The following USH2A variants were observed in gnomAD, a reference collection of about 807,000 sequenced individuals.
USH2A encodes Usher syndrome 2A (autosomal recessive, mild).
USH2A carries 443 observed loss-of-function variants against 538.9 expected under a neutral mutation model. The observed-to-expected ratio is 0.82, with a 90% CI of 0.76 to 0.89. The LOEUF (loss-of-function observed/expected upper bound fraction) is 0.89, where lower values mean the gene tolerates loss of function less well. Ranked by LOEUF, USH2A falls within the 40% of genes least tolerant of loss-of-function variation. USH2A has a pLI of 0.00. For synonymous variants in USH2A, 2,413 were observed against 2,273.5 expected (o/e 1.06, Z -1.75); for missense variants, 6,633 against 6,324.8 (o/e 1.05, Z -1.65).
intron 21 of USH2A, among the ~76,000 whole-genome samples, chr1:216,109,093 A>C (rs1411399175): frequency 6.6e-6 from 1 of 152,086 alleles, no homozygotes; most frequent in Non-Finnish European, 1.5e-5. Context: ...GGGACTATAA[A>C]TATTTTTGGC....
chr1:216,135,228 C>G (rs1489056121), intron 21 of USH2A, among the ~76,000 whole-genome samples: 1 of 151,004 alleles, frequency 6.6e-6, no homozygotes, highest in Admixed American at 6.6e-5. Flanking sequence ...ATAAATTCCT[C>G]CTTTAAAATG....
chr1:216,361,363 A>G (rs1420130913), intron 4 of USH2A, among the ~76,000 whole-genome samples: 2 of 152,176 alleles, frequency 1.3e-5, no homozygotes, highest in African/African-American at 4.8e-5. Flanking sequence ...AATAGTCTAA[A>G]CAGAACACAA....
At chr1:215,940,803 C>A (rs1283788654) in intron 37 of USH2A, among the ~76,000 whole-genome samples, 4 of 152,084 alleles carry the variant, frequency 2.6e-5, no homozygotes, top group Non-Finnish European at 5.9e-5. Context: ...TTCTTTGACT[C>A]CTCTTTAAAT....
intron 21 of USH2A, among the ~76,000 whole-genome samples, chr1:216,132,912 A>C (rs2033406467): frequency 6.6e-6 from 1 of 152,230 alleles, no homozygotes; most frequent in Non-Finnish European, 1.5e-5. Flanking sequence ...AAGACTGATA[A>C]AAGCTTAATG....
intron 47 of USH2A, among the ~76,000 whole-genome samples, chr1:215,834,762 TTCTTG>T (rs1252378365): frequency 2.6e-5 from 4 of 151,916 alleles, no homozygotes; most frequent in African/African-American, 4.8e-5. Flanking sequence ...CTGGGATACT[TTCTTG>T]TCTTTTTTTT....
intron 11 of USH2A, among the ~76,000 whole-genome samples, chr1:216,265,148 T>C (rs1422981046): frequency 6.8e-6 from 1 of 147,100 alleles, no homozygotes; most frequent in Non-Finnish European, 1.5e-5. Flanking sequence ...TATAAGAAAA[T>C]CAACTCAATG....
At chr1:215,813,138 C>T (rs75975662) in intron 49 of USH2A, among the ~76,000 whole-genome samples, 1,624 of 152,268 alleles carry the variant, frequency 0.011, 9 homozygotes, top group Non-Finnish European at 0.016. Context: ...ATTATATTCA[C>T]TAGGCATTGT....
chr1:216,254,276 A>C (rs1377264164), intron 11 of USH2A, among the ~76,000 whole-genome samples: 1 of 152,136 alleles, frequency 6.6e-6, no homozygotes, highest in African/African-American at 2.4e-5. Flanking sequence ...GATTCAACTG[A>C]AAATACCCAG....
chr1:215,746,290 G>A (rs1453888504), intron 58 of USH2A, among the ~76,000 whole-genome samples: 2 of 152,042 alleles, frequency 1.3e-5, no homozygotes, highest in Non-Finnish European at 2.9e-5. Flanking sequence ...CCCTGTAACG[G>A]AATGGTCTTG....
chr1:216,032,919 C>T (rs574562898), intron 32 of USH2A, among the ~76,000 whole-genome samples: 1 of 152,326 alleles, frequency 6.6e-6, no homozygotes, highest in African/African-American at 2.4e-5. Flanking sequence ...ACTGCCCCAA[C>T]TCTTGATTTT....
chr1:215,867,040 G>A lies in USH2A; in HGVS notation c.8812C>T (p.His2938Tyr), dbSNP rs1194703923. 6.2e-7 allele frequency: 1 copy of A among 1,614,056 alleles called. No homozygotes were observed. The highest frequency in any genetic ancestry group is 8.5e-7 in the Non-Finnish European group (1 of 1,180,032). Residue 2938 changes from histidine (H) to tyrosine (Y), a missense_variant, in exon 44 of 72, where the codon CAC becomes TAC. Coordinates refer to ENST00000307340, the MANE Select transcript of USH2A (RefSeq NM_206933.4). ...GCCCACCTCACGTCGATGGCTGTGTGGTTAAGGACACTCGCAGTGAGATTG... is the reference window on the plus strand; with the variant it reads ...GCCCACCTCACGTCGATGGCTGTGTAGTTAAGGACACTCGCAGTGAGATTG... Reference protein sequence around the residue: ...GANLTASVLNHTAIDVRWAKP... With the variant: ...GANLTASVLNYTAIDVRWAKP...
chr1:215,625,829 G>A lies in USH2A; in HGVS notation c.15561C>T (p.Phe5187=). 1 of 1,614,058 alleles carries A rather than the reference G, an allele frequency of 6.2e-7. No homozygotes were observed. The highest frequency in any genetic ancestry group is 1.1e-5 in the South Asian group (1 of 91,070). ...TGGTGCGTTCCTTAGTCACTGAGCT[G>A]AAATCCTTGATGGCGTTCATCAGGT... ...EEDLMNAIKD[F]SSVTKERTTF... Residue 5187 remains phenylalanine (F), a synonymous_variant, in exon 72 of 72, where the codon TTC becomes TTT. Coordinates refer to ENST00000307340, the MANE Select transcript of USH2A (RefSeq NM_206933.4).
At chr1:216,352,493 G>A (rs1180588692) in intron 4 of USH2A, among the ~76,000 whole-genome samples, 8 of 152,264 alleles carry the variant, frequency 5.3e-5, no homozygotes, top group Admixed American at 3.3e-4. Flanking sequence ...GCAGTGGTGA[G>A]CTAAAGTCTG....
intron 3 of USH2A, among the ~76,000 whole-genome samples, chr1:216,376,867 T>C (rs148799023): frequency 1.3e-5 from 2 of 152,326 alleles, no homozygotes; most frequent in East Asian, 3.9e-4. Context: ...AGTCCTGCCA[T>C]ATAAACAAAA....
chr1:215,962,562 T>C (rs901876674), intron 37 of USH2A, among the ~76,000 whole-genome samples: 4 of 152,140 alleles, frequency 2.6e-5, no homozygotes, highest in Middle Eastern at 3.4e-3. Context: ...TGCAAAATAA[T>C]GTGTACCACT....
chr1:215,920,751 A>T (rs1181859767), intron 38 of USH2A, among the ~76,000 whole-genome samples: 1 of 152,092 alleles, frequency 6.6e-6, no homozygotes, highest in Admixed American at 6.6e-5. Context: ...ACAGTCTAAG[A>T]TACACGCTTA....
chr1:215,998,786 CTTT>C, intron 34 of USH2A, 98 bp downstream of exon 34: 4 of 1,095,268 alleles, frequency 3.7e-6, no homozygotes, highest in Non-Finnish European at 3.9e-6. Flanking sequence ...AAGATTTTGA[CTTT>C]TTTTTTTTTA....
rs1017066460 is a variant in USH2A, at chr1:216,030,138, T to TA, written c.6325+16292dup. Among the ~76,000 whole-genome samples the TA allele has an allele frequency of 2.1e-5, 3 of 143,352 alleles. No individual in the cohort carries two copies. In the Admixed American group the frequency reaches 2.2e-4, roughly 10 times the overall value. 94.0% of individuals were successfully genotyped at this position (143,352 alleles called of 152,430 possible). A position where few individuals can be genotyped will look rare whatever the true frequency, so the allele number is the denominator to read the frequency against. ...TGGTATATATGATATACATAACAGATATATAATATATATGATATATAGATA... is the reference window on the plus strand; with the variant it reads ...TGGTATATATGATATACATAACAGATAATATAATATATATGATATATAGATA... On this transcript the variant is annotated intron_variant, in intron 32 of 71. Coordinates refer to ENST00000307340, the MANE Select transcript of USH2A (RefSeq NM_206933.4).
chr1:215,680,430 T>C, intron 61 of USH2A, 54 bp from the exon 62 acceptor site: 1 of 1,565,642 alleles, frequency 6.4e-7, no homozygotes. Flanking sequence ...AAACTGACAA[T>C]ATTGCTGGAA....
Sources: gnomAD v4.1 joint callset for allele counts (sites outside exome capture counted in the v4.1 genomes callset) on GRCh38, gnomAD v4.1.1 for gene constraint, MANE v1.5 for transcripts, NCBI Gene and HGNC (gene_info 2026-07-23, HGNC 2026-07-21) for gene names.